Variants in KHDRBS1 observed in about 807,000 individuals in gnomAD.
KHDRBS1 encodes KH domain-containing, RNA-binding, signal transduction-associated protein 1.
In KHDRBS1, 7 loss-of-function variants were observed where a neutral mutation model predicts 48.4. The observed-to-expected ratio is 0.14, with a 90% CI of 0.08 to 0.27. The LOEUF (loss-of-function observed/expected upper bound fraction) is 0.27, where lower values mean the gene tolerates loss of function less well. Among genes scored for constraint, KHDRBS1 ranks in the 10% least tolerant of loss-of-function variants. The pLI, the probability that KHDRBS1 is intolerant of heterozygous loss-of-function variation, is 1.00. For missense variants in KHDRBS1, 458 were observed against 601.2 expected, an observed-to-expected ratio of 0.76 and a Z score of 2.49; for synonymous variants, 241 against 235.8, an observed-to-expected ratio of 1.02 and a Z score of -0.20.
chr1:32,046,195 T>G (rs1639354055), downstream of KHDRBS1, among the ~76,000 whole-genome samples: 2 of 151,838 alleles, frequency 1.3e-5, no homozygotes, highest in Non-Finnish European at 2.9e-5. Context: ...TCTTTTTTTT[T>G]TTTGGTTTTT....
At position 32,042,898 on chromosome 1, in the gene KHDRBS1, A is replaced by T. The variant is rs1237560278; in HGVS notation, c.*274A>T. 4.4e-6 allele frequency: 1 copy of T among 225,020 alleles called. No individual in the cohort carries two copies. Among genetic ancestry groups the T allele is most frequent in the African/African-American group, 2.3e-5 (1 of 44,088 alleles). 13.9% of individuals were successfully genotyped at this position (225,020 alleles called of 1,614,324 possible). ...TTTTCTTTGTTGTTTAAATATAAAC[A>T]GAAGTGTACCTTTTATAATAAAAAA... On this transcript the variant is annotated 3_prime_UTR_variant, in exon 9 of 9. Coordinates refer to ENST00000327300, the MANE Select transcript of KHDRBS1 (RefSeq NM_006559.3).
At chr1:32,044,190 T>C (rs1639330623), downstream of KHDRBS1, among the ~76,000 whole-genome samples, 2 of 152,222 alleles carry the variant, frequency 1.3e-5, no homozygotes, top group Non-Finnish European at 2.9e-5. Context: ...TTTCCATAGA[T>C]AGGTCTCAGT....
chr1:32,019,591 A>G (rs945868997), intron 1 of KHDRBS1, among the ~76,000 whole-genome samples: 2 of 152,212 alleles, frequency 1.3e-5, no homozygotes, highest in Non-Finnish European at 1.5e-5. Flanking sequence ...GTGAAAATGG[A>G]TGAACTATAG....
intron 10 of KHDRBS1, among the ~76,000 whole-genome samples, chr1:32,051,906 T>C (rs1639427224): frequency 6.6e-6 from 1 of 152,230 alleles, no homozygotes; most frequent in Non-Finnish European, 1.5e-5. Flanking sequence ...GTCTTCTTGA[T>C]ATGTTCCTGT....
At position 32,032,968 on chromosome 1, in the gene KHDRBS1, G is replaced by A. The variant is rs997710963; in HGVS notation, c.625-220G>A. On this transcript the variant is annotated intron_variant, in intron 3 of 8. Coordinates refer to ENST00000327300, the MANE Select transcript of KHDRBS1 (RefSeq NM_006559.3). The stretch of plus-strand genomic sequence containing the variant: ...CTCCCAAAGTCCTGGGATTATAGGC[G>A]TGAGCCACCGCGCCTGGCTGCTTGT... Among the ~76,000 whole-genome samples, 18 of 152,220 alleles carry A rather than the reference G, an allele frequency of 1.2e-4. 1 individual carries two copies. The highest frequency in any genetic ancestry group is 1.3e-4 in the Admixed American group (2 of 15,288).
intron 1 of KHDRBS1, among the ~76,000 whole-genome samples, chr1:32,020,703 C>T (rs945504439): frequency 9.3e-5 from 14 of 151,228 alleles, no homozygotes; most frequent in African/African-American, 3.4e-4. Flanking sequence ...AAGCCAATCT[C>T]AAAAGGTTAC....
chr1:32,057,842 T>A (rs911187072), intron 10 of KHDRBS1, among the ~76,000 whole-genome samples: 7 of 130,400 alleles, frequency 5.4e-5, no homozygotes, highest in Non-Finnish European at 8.1e-5. Context: ...AGGGGCCGGG[T>A]GCGGTGGCTC....
downstream of KHDRBS1, among the ~76,000 whole-genome samples, chr1:32,044,395 G>A (rs533149849): frequency 9.2e-5 from 14 of 152,294 alleles, no homozygotes; most frequent in African/African-American, 2.9e-4. Flanking sequence ...AGCTGGGCTG[G>A]GGCAGGATTT....
Position 32,042,612 on chromosome 1 carries a change from T to C in KHDRBS1, c.1320T>C (p.Tyr440=), listed in dbSNP as rs145076925. Residue 440 remains tyrosine, a synonymous_variant, in exon 9 of 9, where the codon TAT becomes TAC. Coordinates refer to ENST00000327300, the MANE Select transcript of KHDRBS1 (RefSeq NM_006559.3). Reference sequence around the variant, plus strand: ...AGGGAGCATACAGAGAGCACCCATATGGACGTTATTAAAAACAAACATGAG... The same window carrying C: ...AGGGAGCATACAGAGAGCACCCATACGGACGTTATTAAAAACAAACATGAG... ...PVKGAYREHP[Y]GRY 195 of 1,604,840 alleles carry C rather than the reference T, an allele frequency of 1.2e-4. 1 individual carries two copies. In the East Asian group the frequency reaches 4.3e-3, roughly 35 times the overall value.
At chr1:32,023,094 G>A (rs1638894489) in intron 1 of KHDRBS1, among the ~76,000 whole-genome samples, 1 of 151,882 alleles carries the variant, frequency 6.6e-6, no homozygotes, top group Admixed American at 6.6e-5. Context: ...CACCAAGCAT[G>A]TAGGAGAGCT....
downstream of KHDRBS1, among the ~76,000 whole-genome samples, chr1:32,048,173 T>A (rs991295382): frequency 1.3e-5 from 2 of 152,180 alleles, no homozygotes; most frequent in Non-Finnish European, 2.9e-5. Context: ...TCCTTTCAGG[T>A]ATTTGAAGAT....
chr1:32,053,533 G>A (rs1639447143), intron 10 of KHDRBS1, among the ~76,000 whole-genome samples: 1 of 152,112 alleles, frequency 6.6e-6, no homozygotes, highest in African/African-American at 2.4e-5. Context: ...TAGGACTACA[G>A]GCATGGGCCA....
At chr1:32,048,601 A>C (rs1447148577), downstream of KHDRBS1, among the ~76,000 whole-genome samples, 1 of 152,196 alleles carries the variant, frequency 6.6e-6, no homozygotes, top group Admixed American at 6.5e-5. Flanking sequence ...GTATAAATTA[A>C]AGGTCATGTT....
rs1639301736 is a variant in KHDRBS1, at chr1:32,042,684, T to G, written c.*60T>G. 9.7e-7 allele frequency: 1 copy of G among 1,028,766 alleles called. No homozygotes were observed. Among genetic ancestry groups the G allele is most frequent in the African/African-American group, 1.6e-5 (1 of 63,518 alleles). 63.7% of individuals were successfully genotyped at this position (1,028,766 alleles called of 1,614,324 possible). ...AAAGTTGTTACTGATTTCTTGTATC[T>G]CCCAGGATTCCTGTTGCTTTACCCA... On this transcript the variant is annotated 3_prime_UTR_variant, in exon 9 of 9. Transcript: ENST00000327300.
chr1:32,029,278 T>C (rs1257578329), intron 1 of KHDRBS1, among the ~76,000 whole-genome samples: 1 of 152,226 alleles, frequency 6.6e-6, no homozygotes, highest in Non-Finnish European at 1.5e-5. Flanking sequence ...CATGGGTGTA[T>C]ACTTATCTCC....
At position 32,042,890 on chromosome 1, in the gene KHDRBS1, A is replaced by G. The variant is rs971588350; in HGVS notation, c.*266A>G. On this transcript the variant is annotated 3_prime_UTR_variant, in exon 9 of 9. Coordinates refer to ENST00000327300, the MANE Select transcript of KHDRBS1 (RefSeq NM_006559.3). ...AGATGCTTTTTTCTTTGTTGTTTAA[A>G]TATAAACAGAAGTGTACCTTTTATA... 3 of 248,448 alleles carry G rather than the reference A, an allele frequency of 1.2e-5. No individual in the cohort carries two copies. Among genetic ancestry groups the G allele is most frequent in the Non-Finnish European group, 7.7e-6 (1 of 129,788 alleles). 15.4% of individuals were successfully genotyped at this position (248,448 alleles called of 1,614,324 possible). A position where few individuals can be genotyped will look rare whatever the true frequency, so the allele number is the denominator to read the frequency against.
chr1:32,037,050 A>G lies in KHDRBS1; in HGVS notation c.905+7A>G. ...CTCCACCACCTGTTCCCAGGTAAAA[A>G]TAATGGAGACACCCAGAAATAGGAT... On this transcript the variant is annotated splice_region_variant and intron_variant, in intron 5 of 8. Transcript: ENST00000327300. 1 of 1,612,722 alleles carries G rather than the reference A, an allele frequency of 6.2e-7. No individual in the cohort carries two copies. Among genetic ancestry groups the G allele is most frequent in the Non-Finnish European group, 8.5e-7 (1 of 1,179,442 alleles).
intron 10 of KHDRBS1, among the ~76,000 whole-genome samples, chr1:32,052,890 G>A (rs1639439926): frequency 6.6e-6 from 1 of 152,084 alleles, no homozygotes; most frequent in African/African-American, 2.4e-5. Context: ...AACAGGCCAG[G>A]CCTGGTGGTT....
chr1:32,034,254 A>G (rs967863686), intron 4 of KHDRBS1, among the ~76,000 whole-genome samples: 4 of 152,224 alleles, frequency 2.6e-5, no homozygotes, highest in Non-Finnish European at 5.9e-5. Context: ...GTGAAAATTG[A>G]TAGGGCAAAA....
Sources: allele counts gnomAD v4.1 joint callset (sites outside exome capture counted in the v4.1 genomes callset), GRCh38; gene constraint gnomAD v4.1.1; transcripts MANE v1.5; gene names NCBI Gene and HGNC (gene_info 2026-07-23, HGNC 2026-07-21).